Variants in PRKCB observed in about 807,000 individuals in gnomAD.
The protein encoded by PRKCB is protein kinase C beta.
A neutral mutation model predicts 81.5 loss-of-function variants in PRKCB; 13 were observed. The ratio of observed to expected loss-of-function variants is 0.16; its 90% CI spans 0.10 to 0.25. The LOEUF (loss-of-function observed/expected upper bound fraction) is 0.25, where lower values mean the gene tolerates loss of function less well. Ranked by LOEUF, PRKCB falls within the 10% of genes least tolerant of loss-of-function variation. PRKCB has a pLI of 1.00. For missense variants in PRKCB, 509 were observed against 875.7 expected, an observed-to-expected ratio of 0.58 and a Z score of 5.29; for synonymous variants, 335 against 321.4, an observed-to-expected ratio of 1.04 and a Z score of -0.45.
chr16:23,848,025 G>A (rs757761269), intron 2 of PRKCB, among the ~76,000 whole-genome samples: 29 of 152,198 alleles, frequency 1.9e-4, no homozygotes, highest in Non-Finnish European at 2.9e-4. Flanking sequence ...GGGGATGAGG[G>A]CAGGGGAGGG....
chr16:23,859,271 C>T (rs1458726078), intron 2 of PRKCB, among the ~76,000 whole-genome samples: 2 of 152,242 alleles, frequency 1.3e-5, no homozygotes, highest in East Asian at 3.8e-4. Flanking sequence ...TATCCCTGGT[C>T]AGTCTTTGGC....
At chr16:23,852,734 C>G (rs1263961567) in intron 2 of PRKCB, among the ~76,000 whole-genome samples, 1 of 152,156 alleles carries the variant, frequency 6.6e-6, no homozygotes, top group Non-Finnish European at 1.5e-5. Context: ...TCTCACAATC[C>G]CTATCAACCG....
intron 8 of PRKCB, among the ~76,000 whole-genome samples, chr16:24,119,596 A>ACGGGG (rs1555498045): frequency 2.3e-5 from 1 of 43,426 alleles, no homozygotes; most frequent in African/African-American, 3.0e-4. Flanking sequence ...TGCTAAGGTG[A>ACGGGG]TGGGGCAGCA....
At chr16:24,081,656 T>G (rs1966250972) in intron 5 of PRKCB, among the ~76,000 whole-genome samples, 1 of 152,140 alleles carries the variant, frequency 6.6e-6, no homozygotes, top group Non-Finnish European at 1.5e-5. Context: ...GTGGATCATC[T>G]GAGGTCAGGA....
chr16:23,942,578 C>T (rs1170137585), intron 2 of PRKCB, among the ~76,000 whole-genome samples: 1 of 152,202 alleles, frequency 6.6e-6, no homozygotes, highest in Non-Finnish European at 1.5e-5. Context: ...TTGTTTACTT[C>T]AAGCACTTAA....
At chr16:23,934,329 T>A (rs896335091) in intron 2 of PRKCB, among the ~76,000 whole-genome samples, 1 of 151,868 alleles carries the variant, frequency 6.6e-6, no homozygotes, top group Non-Finnish European at 1.5e-5. Context: ...TTTTTTTTTT[T>A]TTTTTTTGAC....
chr16:24,214,612 GT>G lies in PRKCB; in HGVS notation c.1864-38del, dbSNP rs568602959. 8.4e-4 allele frequency: 1,280 copies of G among 1,526,878 alleles called. 8 individuals carry two copies. In the African/African-American group the frequency reaches 0.015, roughly 18 times the overall value. The allele number at this position is 1,526,878 out of a possible 1,614,324, so 94.6% of individuals were successfully genotyped here. ...CTGTTTTATTTTGGCTTTTGTTTTT[GT>G]TTTTTTTCCCACCCACCACAAGTTC... On this transcript the variant is annotated intron_variant, in intron 16 of 16. Transcript: ENST00000643927.
intron 7 of PRKCB, among the ~76,000 whole-genome samples, chr16:24,110,132 AGAGGGAGAGGAGGGAGAG>A (rs1234981446): frequency 2.6e-5 from 1 of 39,210 alleles, no homozygotes; most frequent in Non-Finnish European, 4.9e-5. Flanking sequence ...AGGGAGAGGG[AGAGGGAGAGGAGGGAGAG>A]GAGGGAGAGG....
chr16:23,888,953 G>T (rs1027046811), intron 2 of PRKCB, among the ~76,000 whole-genome samples: 1 of 152,178 alleles, frequency 6.6e-6, no homozygotes, highest in African/African-American at 2.4e-5. Context: ...GATGGGGGGA[G>T]TATGAGACCT....
chr16:23,887,659 A>C (rs1963225285), intron 2 of PRKCB, among the ~76,000 whole-genome samples: 1 of 152,176 alleles, frequency 6.6e-6, no homozygotes, highest in Non-Finnish European at 1.5e-5. Flanking sequence ...AATAAACATG[A>C]GAGTGAAGGT....
chr16:23,890,846 A>G (rs1045244750), intron 2 of PRKCB, among the ~76,000 whole-genome samples: 4 of 151,890 alleles, frequency 2.6e-5, no homozygotes, highest in Non-Finnish European at 5.9e-5. Context: ...CTTCCTGGAG[A>G]TTGCATTCTT....
rs189489994 is a variant in PRKCB at position 24,106,094 on chromosome 16, A to T, written c.822-6879A>T. ...TTATTAATAATCACATTTTGGTCTTATTACAAAAAAAAAGCAAAAAACAAA... is the reference window on the plus strand; with the variant it reads ...TTATTAATAATCACATTTTGGTCTTTTTACAAAAAAAAAGCAAAAAACAAA... On this transcript the variant is annotated intron_variant, in intron 7 of 16. Transcript: ENST00000643927. Among the ~76,000 whole-genome samples, 304 of 81,202 alleles carry T rather than the reference A, an allele frequency of 3.7e-3. 1 individual carries two copies. The highest frequency in any genetic ancestry group is 3.0e-3 in the Non-Finnish European group (114 of 37,830). 53.3% of individuals were successfully genotyped at this position (81,202 alleles called of 152,430 possible). A position where few individuals can be genotyped will look rare whatever the true frequency, so the allele number is the denominator to read the frequency against.
chr16:24,056,739 G>A (rs905405999), intron 5 of PRKCB, among the ~76,000 whole-genome samples: 2 of 152,092 alleles, frequency 1.3e-5, no homozygotes, highest in African/African-American at 2.4e-5. Context: ...CTTTCTCCTT[G>A]TACCATGATT....
intron 2 of PRKCB, among the ~76,000 whole-genome samples, chr16:23,924,145 TACTG>T (rs1963864700): frequency 6.6e-6 from 1 of 151,344 alleles, no homozygotes; most frequent in Non-Finnish European, 1.5e-5. Flanking sequence ...GTTCTCATGA[TACTG>T]AGTGAGTTCT....
At chr16:24,086,499 C>T in intron 5 of PRKCB, among the ~76,000 whole-genome samples, 1 of 152,196 alleles carries the variant, frequency 6.6e-6, no homozygotes, top group East Asian at 1.9e-4. Context: ...AGCTCATTTT[C>T]TGGGTTCTAT....
chr16:23,884,807 C>A (rs904900553), intron 2 of PRKCB, among the ~76,000 whole-genome samples: 5 of 152,158 alleles, frequency 3.3e-5, no homozygotes, highest in African/African-American at 1.2e-4. Flanking sequence ...TCCCAAAGTG[C>A]TAGGATGACA....
At chr16:23,950,645 C>G (rs540420657) in intron 2 of PRKCB, among the ~76,000 whole-genome samples, 17 of 152,296 alleles carry the variant, frequency 1.1e-4, no homozygotes, top group African/African-American at 3.9e-4. Context: ...TTGGCTGTTT[C>G]CATTATTGGG....
At chr16:24,008,438 G>T (rs1428729979) in intron 3 of PRKCB, among the ~76,000 whole-genome samples, 2 of 152,230 alleles carry the variant, frequency 1.3e-5, no homozygotes, top group African/African-American at 4.8e-5. Context: ...TAGGAGTTTA[G>T]AATTTGGAAT....
At chr16:23,862,553 G>A (rs1962688746) in intron 2 of PRKCB, among the ~76,000 whole-genome samples, 5 of 152,166 alleles carry the variant, frequency 3.3e-5, no homozygotes. Flanking sequence ...CCTCTCTGCA[G>A]AATCTGCTTT....
Sources: allele counts gnomAD v4.1 joint callset (sites outside exome capture counted in the v4.1 genomes callset), GRCh38; gene constraint gnomAD v4.1.1; transcripts MANE v1.5; gene names NCBI Gene and HGNC (gene_info 2026-07-23, HGNC 2026-07-21).